TSPEAR: variants seen among roughly 807,000 people sequenced by gnomAD.
TSPEAR encodes the protein thrombospondin-type laminin G domain and EAR repeat-containing protein.
In TSPEAR, 69 loss-of-function variants were observed where a neutral mutation model predicts 71.6. The observed-to-expected ratio is 0.96, with a 90% confidence interval of 0.79 to 1.18. TSPEAR has a LOEUF of 1.18. TSPEAR is among the 50% of genes most tolerant of loss of function. The pLI is 0.00. For missense variants in TSPEAR, 971 were observed against 894.9 expected (o/e 1.09, Z -1.09); for synonymous variants, 402 against 387.2 (o/e 1.04, Z -0.45).
intron 1 of TSPEAR, chr21:44,637,957 C>T (rs782103126): frequency 2.4e-5 from 39 of 1,613,966 alleles, no homozygotes; most frequent in African/African-American, 5.3e-5. Context: ...CTTGCTGCAC[C>T]GCCTCCTGCT....
chr21:44,636,862 G>C (rs75291200), intron 1 of TSPEAR, among the ~76,000 whole-genome samples: 9,715 of 152,298 alleles, frequency 0.064, 400 homozygotes, highest in South Asian at 0.11. Flanking sequence ...GAGGAGGGGA[G>C]GTCCTCCCTG....
chr21:44,637,918 A>T, intron 1 of TSPEAR: 1 of 1,611,456 alleles, frequency 6.2e-7, no homozygotes, highest in Non-Finnish European at 8.5e-7. Context: ...CTTCCACTTC[A>T]TGCTGCCAGC....
Position 44,567,418 on chromosome 21 carries a change from G to C in TSPEAR, c.303+367C>G, listed in dbSNP as rs587621875. Among the ~76,000 whole-genome samples, 3 of 152,334 alleles carry C rather than the reference G, an allele frequency of 2.0e-5. No homozygotes were observed. The South Asian group carries it at 6.2e-4, about 32-fold the overall frequency. On this transcript the variant is annotated intron_variant, in intron 2 of 11. Coordinates refer to ENST00000323084, the MANE Select transcript of TSPEAR (RefSeq NM_144991.3). The stretch of plus-strand genomic sequence containing the variant: ...GTAGGCAGAGGATGGGATGGGGCTT[G>C]TCTGTTAGATTTGGGATTGATGGCA...
intron 1 of TSPEAR, among the ~76,000 whole-genome samples, chr21:44,596,888 C>A (rs1349616894): frequency 6.6e-6 from 1 of 152,184 alleles, no homozygotes; most frequent in Non-Finnish European, 1.5e-5. Context: ...AGCAAATTAG[C>A]CCTTTCTCTG....
intron 3 of TSPEAR, among the ~76,000 whole-genome samples, 154 bp downstream of exon 3, chr21:44,533,531 G>A (rs1479996386): frequency 7.9e-5 from 12 of 152,054 alleles, no homozygotes; most frequent in African/African-American, 2.4e-4. Flanking sequence ...CCCCGTGGAT[G>A]GCTCCTGCCC....
chr21:44,686,151 A>AC (rs1397219826), intron 1 of TSPEAR, among the ~76,000 whole-genome samples: 2 of 152,066 alleles, frequency 1.3e-5, no homozygotes, highest in Non-Finnish European at 2.9e-5. Context: ...CATGAGGTGG[A>AC]CCCCTGGCCT....
intron 1 of TSPEAR, among the ~76,000 whole-genome samples, chr21:44,703,480 A>G (rs1987756955): frequency 6.6e-6 from 1 of 152,164 alleles, no homozygotes; most frequent in Non-Finnish European, 1.5e-5. Flanking sequence ...GACAGGGCCC[A>G]GGTTGGCTTC....
At chr21:44,632,606 C>T (rs587751369) in intron 1 of TSPEAR, among the ~76,000 whole-genome samples, 11 of 152,230 alleles carry the variant, frequency 7.2e-5, no homozygotes, top group Admixed American at 2.6e-4. Flanking sequence ...GAGGCTGAGG[C>T]GGGCAGATCA....
At chr21:44,541,628 T>C (rs1407257413) in intron 2 of TSPEAR, among the ~76,000 whole-genome samples, 1 of 152,184 alleles carries the variant, frequency 6.6e-6, no homozygotes, top group Non-Finnish European at 1.5e-5. Context: ...GCAGAGCTTT[T>C]AGTAGTCTCA....
chr21:44,611,188 G>A (rs1245998565), intron 1 of TSPEAR, among the ~76,000 whole-genome samples: 1 of 152,070 alleles, frequency 6.6e-6, no homozygotes, highest in Non-Finnish European at 1.5e-5. Flanking sequence ...GATTTGGAAG[G>A]GCCAGGGACA....
In TSPEAR at chr21:44,567,837, G is replaced by A; in HGVS notation, c.251C>T (p.Pro84Leu). ...AGTTACGACGATGGAAAATTCTTCA[G>A]GGAAGAGGTCACACTGGGAGAAAAT... ...SRIFSQCDLF[P>L]EEFSIVVTLR... The change falls in exon 2 of 12, where the codon CCT becomes CTT. Residue 84 changes from proline to leucine, a missense_variant. Coordinates refer to ENST00000323084, the MANE Select transcript of TSPEAR (RefSeq NM_144991.3). 6.2e-7 allele frequency: 1 copy of A among 1,606,028 alleles called. No individual in the cohort carries two copies. Among genetic ancestry groups the A allele is most frequent in the Non-Finnish European group, 8.5e-7 (1 of 1,175,516 alleles).
chr21:44,528,717 A>T, intron 5 of TSPEAR, 134 bp from the exon 6 acceptor site: 1 of 1,175,278 alleles, frequency 8.5e-7, no homozygotes, highest in African/African-American at 1.6e-5. Context: ...CCCTGCAGGC[A>T]CCTTGGCACA....
At chr21:44,667,334 T>G (rs1985840828) in intron 1 of TSPEAR, among the ~76,000 whole-genome samples, 1 of 152,164 alleles carries the variant, frequency 6.6e-6, no homozygotes, top group South Asian at 2.1e-4. Context: ...GAACAGGACG[T>G]GTCTAGCTGA....
At chr21:44,627,075 G>C in intron 1 of TSPEAR, 1 of 1,541,584 alleles carries the variant, frequency 6.5e-7, no homozygotes, top group South Asian at 1.2e-5. Context: ...ATAAAAGCCT[G>C]AGAGCCCCAA....
chr21:44,648,279 C>A (rs1444182713), intron 1 of TSPEAR, among the ~76,000 whole-genome samples: 1 of 152,214 alleles, frequency 6.6e-6, no homozygotes, highest in Non-Finnish European at 1.5e-5. Flanking sequence ...ACCACTAGCA[C>A]TGGAGAGTGA....
At chr21:44,563,547 T>C (rs587609748) in intron 2 of TSPEAR, among the ~76,000 whole-genome samples, 37 of 151,382 alleles carry the variant, frequency 2.4e-4, no homozygotes, top group African/African-American at 8.7e-4. Context: ...GCACTTAATA[T>C]AAGAGAAAGT....
At chr21:44,690,014 A>T (rs542589633) in intron 1 of TSPEAR, among the ~76,000 whole-genome samples, 2 of 152,138 alleles carry the variant, frequency 1.3e-5, no homozygotes, top group African/African-American at 4.8e-5. Context: ...TGCCTTTCCC[A>T]GCCACTGACT....
At chr21:44,578,825 C>A (rs1292748353) in intron 1 of TSPEAR, among the ~76,000 whole-genome samples, 1 of 152,218 alleles carries the variant, frequency 6.6e-6, no homozygotes, top group Non-Finnish European at 1.5e-5. Flanking sequence ...TCCAGTGTCG[C>A]CCATGTCAAC....
In TSPEAR at chr21:44,638,063, T is replaced by G. The variant is rs782419092; in HGVS notation, c.83-70058A>C. Reference sequence around the variant, plus strand: ...CTCCTGCGGTGCCTCTGCCTCCTCCTGCCAGCCCAGCTGCTGCCGCACGGC... The same window carrying G: ...CTCCTGCGGTGCCTCTGCCTCCTCCGGCCAGCCCAGCTGCTGCCGCACGGC... On this transcript the variant is annotated intron_variant, in intron 1 of 11. Transcript: ENST00000323084. 49 of 1,613,278 alleles carry G rather than the reference T, an allele frequency of 3.0e-5. 1 individual carries two copies. In the South Asian group the frequency reaches 5.1e-4, roughly 17 times the overall value.
Sources: gnomAD v4.1 joint callset for allele counts (sites outside exome capture counted in the v4.1 genomes callset) on GRCh38, gnomAD v4.1.1 for gene constraint, MANE v1.5 for transcripts, NCBI Gene and HGNC (gene_info 2026-07-23, HGNC 2026-07-21) for gene names.